CSE1L: variants seen among roughly 807,000 people sequenced by gnomAD.
CSE1L encodes the protein chromosome segregation 1 like, also known as exportin-2.
Under a neutral mutation model 120.4 loss-of-function variants are expected in CSE1L, and 24 were observed. The observed-to-expected ratio is 0.20, with a 90% CI of 0.14 to 0.28. The LOEUF (loss-of-function observed/expected upper bound fraction) is 0.28, where lower values mean the gene tolerates loss of function less well. CSE1L is among the 10% of genes least tolerant of loss of function. CSE1L has a pLI of 1.00. For synonymous variants in CSE1L, 402 were observed against 398.3 expected (o/e 1.01, Z -0.11); for missense variants, 830 against 1,145.2 (o/e 0.72, Z 3.97).
chr20:49,064,321 A>G (rs1289746443), intron 3 of CSE1L, among the ~76,000 whole-genome samples: 3 of 152,248 alleles, frequency 2.0e-5, no homozygotes, highest in Non-Finnish European at 4.4e-5. Context: ...GCTCAAAAAC[A>G]TCTTAGAGTC....
chr20:49,058,672 T>C, intron 2 of CSE1L, 124 bp downstream of exon 2: 3 of 666,258 alleles, frequency 4.5e-6, no homozygotes, highest in Non-Finnish European at 5.0e-6. Context: ...CAAGCGTAGT[T>C]TATAAGTGTT....
intron 2 of CSE1L, among the ~76,000 whole-genome samples, chr20:49,059,130 CAA>C (rs549095361): frequency 5.2e-5 from 4 of 77,272 alleles, no homozygotes; most frequent in Non-Finnish European, 8.0e-5. Flanking sequence ...GACTCCGTCT[CAA>C]AAAAAAAAAA....
At chr20:49,077,154 T>A in intron 13 of CSE1L, 90 bp downstream of exon 13, 25 of 160,028 alleles carry the variant, frequency 1.6e-4, no homozygotes, top group Admixed American at 2.0e-4. Flanking sequence ...CCTTTTGTTC[T>A]TTTTTTTTTT....
intron 1 of CSE1L, among the ~76,000 whole-genome samples, chr20:49,057,573 C>G (rs1386224928): frequency 6.6e-6 from 1 of 151,842 alleles, no homozygotes; most frequent in Non-Finnish European, 1.5e-5. Context: ...CCACCTCAGC[C>G]TTCCGAGTAG....
At chr20:49,068,434 AAAAAC>A (rs1284171443) in intron 6 of CSE1L, among the ~76,000 whole-genome samples, 5 of 152,026 alleles carry the variant, frequency 3.3e-5, no homozygotes, top group African/African-American at 1.2e-4. Flanking sequence ...TAAAAATACA[AAAAAC>A]AAAAACAAAA....
chr20:49,091,053 A>G, intron 21 of CSE1L, 31 bp downstream of exon 21: 1 of 1,370,186 alleles, frequency 7.3e-7, no homozygotes, highest in Non-Finnish European at 1.0e-6. Flanking sequence ...GTTCTACAGA[A>G]GTAATGAAAG....
chr20:49,078,003 C>CAAAAAAAAAAAAAAAAAAAAAAAAAAA (rs57808069), intron 13 of CSE1L, among the ~76,000 whole-genome samples: 1 of 142,924 alleles, frequency 7.0e-6, no homozygotes, highest in African/African-American at 2.6e-5. Flanking sequence ...GACTCTGTCT[C>CAAAAAAAAAAAAAAAAAAAAAAAAAAA]AAAAAAAAAA....
chr20:49,078,881 G>C (rs1343064516), intron 14 of CSE1L, among the ~76,000 whole-genome samples: 2 of 152,094 alleles, frequency 1.3e-5, no homozygotes, highest in African/African-American at 4.8e-5. Context: ...ATTTACAATA[G>C]AGAGGTCCTT....
intron 6 of CSE1L, among the ~76,000 whole-genome samples, chr20:49,068,174 T>C (rs1397160071): frequency 6.6e-6 from 1 of 152,162 alleles, no homozygotes; most frequent in Non-Finnish European, 1.5e-5. Flanking sequence ...TATTTTTATA[T>C]ATGCACAGAT....
intron 2 of CSE1L, among the ~76,000 whole-genome samples, chr20:49,061,764 T>C (rs919096783): frequency 6.6e-6 from 1 of 151,446 alleles, no homozygotes; most frequent in South Asian, 2.1e-4. Flanking sequence ...CGGCCTCCCA[T>C]AGTGCTGGGA....
chr20:49,058,410 T>C, intron 1 of CSE1L, 43 bp from the exon 2 acceptor site: 1 of 1,354,108 alleles, frequency 7.4e-7, no homozygotes, highest in Non-Finnish European at 1.0e-6. Context: ...AAATCACTTT[T>C]TCCGTAAGTG....
chr20:49,090,790 G>T lies in CSE1L; in HGVS notation c.2230G>T (p.Asp744Tyr). Residue 744 changes from aspartate to tyrosine, a missense_variant, in exon 20 of 25, where the codon GAC becomes TAC. Coordinates refer to ENST00000262982, the MANE Select transcript of CSE1L (RefSeq NM_001316.4). ...GAAGCTGATTGCATCCAAAGCAAAT[G>T]ACCACCAAGGTTTTTATCTTCTAAA... ...FQKLIASKANDHQGFYLLNSI... is the reference protein window; with the variant it reads ...FQKLIASKANYHQGFYLLNSI... 6.2e-7 allele frequency: 1 copy of T among 1,613,912 alleles called. No individual in the cohort carries two copies. The highest frequency in any genetic ancestry group is 1.1e-5 in the South Asian group (1 of 91,000).
intron 13 of CSE1L, among the ~76,000 whole-genome samples, chr20:49,077,360 A>G (rs1245794774): frequency 6.6e-6 from 1 of 151,984 alleles, no homozygotes. Context: ...GGGTTTCCCC[A>G]TGTTGGCCAG....
chr20:49,078,022 T>G lies in CSE1L; in HGVS notation c.1421-539T>G, dbSNP rs116160113. On this transcript the variant is annotated intron_variant, in intron 13 of 24. Coordinates refer to ENST00000262982, the MANE Select transcript of CSE1L (RefSeq NM_001316.4). ...CTGTCTCAAAAAAAAAAATTAAGGA[T>G]AGTTTCTGATGTTTATGAATGTATT... Among the ~76,000 whole-genome samples, 351 of 152,136 alleles carry G rather than the reference T, an allele frequency of 2.3e-3. 2 individuals carry two copies. The highest frequency in any genetic ancestry group is 8.2e-3 in the African/African-American group (339 of 41,504).
At chr20:49,058,663 AAGCGT>A (rs2091827893) in intron 2 of CSE1L, 115 bp downstream of exon 2, 1 of 742,228 alleles carries the variant, frequency 1.3e-6, no homozygotes, top group Admixed American at 2.5e-5. Flanking sequence ...TTGGGTTCTC[AAGCGT>A]AGTTTATAAG....
chr20:49,068,857 C>G, intron 7 of CSE1L, 35 bp downstream of exon 7: 1 of 1,365,698 alleles, frequency 7.3e-7, no homozygotes, highest in Non-Finnish European at 1.0e-6. Flanking sequence ...TTGGTTCTTA[C>G]TCTTTGATTT....
intron 11 of CSE1L, 104 bp from the exon 12 acceptor site, chr20:49,075,213 CA>C: frequency 1.1e-6 from 1 of 918,798 alleles, no homozygotes; most frequent in Non-Finnish European, 1.6e-6. Context: ...TTCCGTTTTA[CA>C]ATCGTAGCCA....
intron 2 of CSE1L, among the ~76,000 whole-genome samples, chr20:49,062,049 T>G (rs928162048): frequency 6.6e-6 from 1 of 152,196 alleles, no homozygotes; most frequent in Non-Finnish European, 1.5e-5. Context: ...TCAAACTCAC[T>G]TCCTGGATAT....
At position 49,085,381 on chromosome 20, in the gene CSE1L, T is replaced by C; in HGVS notation, c.1718T>C (p.Met573Thr). The C allele has an allele frequency of 6.2e-7, 1 of 1,612,384 alleles. No individual in the cohort carries two copies. The highest frequency in any genetic ancestry group is 1.1e-5 in the South Asian group (1 of 91,028). ...GGCTCTTCAGAAAATGAATATATTA[T>C]GAAAGGTAGGCTGTTTCCCTGGTGT... ...LPGSSENEYI[M>T]KAIMRSFSLL... The change falls in exon 16 of 25, where the codon ATG becomes ACG. Residue 573 changes from methionine (M) to threonine (T), a missense_variant. By Grantham distance (81) the Met-to-Thr change is moderately conservative. This residue lies in a region of CSE1L where 168 missense variants were observed against 267.9 expected (regional missense o/e 0.63). Transcript: ENST00000262982.
Sources: allele counts gnomAD v4.1 joint callset (sites outside exome capture counted in the v4.1 genomes callset), GRCh38; gene constraint gnomAD v4.1.1; regional missense constraint gnomAD v4.1.1; transcripts MANE v1.5; gene names NCBI Gene and HGNC (gene_info 2026-07-23, HGNC 2026-07-21).